TMLHE: variants seen among roughly 807,000 people sequenced by gnomAD.
TMLHE encodes the protein trimethyllysine hydroxylase, epsilon, also known as trimethyllysine dioxygenase, mitochondrial.
A neutral mutation model predicts 25.7 loss-of-function variants in TMLHE; 18 were observed. That is an observed-to-expected ratio of 0.70 (90% CI 0.48 to 1.04). The LOEUF (loss-of-function observed/expected upper bound fraction) is 1.04. TMLHE is among the 50% of genes least tolerant of loss of function. TMLHE has a pLI of 0.00. For missense variants in TMLHE, 236 were observed against 259.0 expected (o/e 0.91, Z 0.61); for synonymous variants, 105 against 97.0 (o/e 1.08, Z -0.49).
At chrX:155,538,551 C>T (rs1298980025) in intron 2 of TMLHE, among the ~76,000 whole-genome samples, 1 of 111,573 alleles carries the variant, frequency 9.0e-6, no homozygotes, top group Non-Finnish European at 1.9e-5. Context: ...CATCCTCAAA[C>T]TGCCAACACC....
intron 1 of TMLHE, among the ~76,000 whole-genome samples, chrX:155,594,178 G>A (rs2067708498): frequency 9.0e-6 from 1 of 111,346 alleles, no homozygotes; most frequent in Non-Finnish European, 1.9e-5. Context: ...AAAAAGTTCT[G>A]AAAGCATCAA....
intron 1 of TMLHE, among the ~76,000 whole-genome samples, chrX:155,547,389 C>CT (rs1487590087): frequency 9.0e-6 from 1 of 110,593 alleles, no homozygotes; most frequent in Non-Finnish European, 1.9e-5. Flanking sequence ...CGTGATCCGC[C>CT]GCCTCAGCCT....
chrX:155,531,563 A>T (rs1329042233), intron 2 of TMLHE, among the ~76,000 whole-genome samples: 1 of 111,730 alleles, frequency 9.0e-6, no homozygotes, highest in Non-Finnish European at 1.9e-5. Context: ...AACATTGCAG[A>T]TCACATTTCA....
chrX:155,538,438 C>A lies in TMLHE; in HGVS notation c.181+6658G>T, dbSNP rs368225419. Among the ~76,000 whole-genome samples, 36 of 111,486 alleles carry A rather than the reference C, an allele frequency of 3.2e-4. No individual in the cohort carries two copies. In the East Asian group the frequency reaches 8.7e-3, roughly 27 times the overall value. ...CTGGCTAGTATCATTTTAAACTCAT[C>A]ATGAAAAATCTCAAATTAGTACTCA... On this transcript the variant is annotated intron_variant, in intron 2 of 7. Coordinates refer to ENST00000334398, the MANE Select transcript of TMLHE (RefSeq NM_018196.4).
At chrX:155,582,838 T>C (rs879027609) in intron 1 of TMLHE, among the ~76,000 whole-genome samples, 1 of 112,254 alleles carries the variant, frequency 8.9e-6, no homozygotes, top group Non-Finnish European at 1.9e-5. Flanking sequence ...ACCCAAAGGA[T>C]TATAAATCAT....
intron 1 of TMLHE, among the ~76,000 whole-genome samples, chrX:155,547,691 A>G (rs782748444): frequency 9.2e-6 from 1 of 108,535 alleles, no homozygotes; most frequent in South Asian, 4.0e-4. Context: ...ATTGTTTTAT[A>G]TTAACTTAAA....
chrX:155,540,723 C>T (rs1557338083), intron 2 of TMLHE, among the ~76,000 whole-genome samples: 1 of 111,279 alleles, frequency 9.0e-6, no homozygotes. Flanking sequence ...AATGGATGCA[C>T]ATTATAAGGA....
At chrX:155,611,800 A>G (rs914277646) in intron 1 of TMLHE, among the ~76,000 whole-genome samples, 2 of 111,882 alleles carry the variant, frequency 1.8e-5, no homozygotes, top group African/African-American at 6.5e-5. Flanking sequence ...TGACACCAAA[A>G]TGTTGATCCA....
At chrX:155,545,866 T>C (rs1363685598) in intron 1 of TMLHE, among the ~76,000 whole-genome samples, 2 of 111,129 alleles carry the variant, frequency 1.8e-5, no homozygotes, top group Non-Finnish European at 3.8e-5. Flanking sequence ...TTGTTAACAC[T>C]CTAGGATGTT....
intron 1 of TMLHE, among the ~76,000 whole-genome samples, chrX:155,558,150 C>G (rs188708135): frequency 5.6e-4 from 63 of 112,087 alleles, no homozygotes; most frequent in African/African-American, 1.6e-3. Flanking sequence ...AGCCTAACTT[C>G]CTGCTACTTA....
At chrX:155,509,108 T>A (rs1557333078) in intron 5 of TMLHE, among the ~76,000 whole-genome samples, 2 of 111,158 alleles carry the variant, frequency 1.8e-5, no homozygotes, top group African/African-American at 6.5e-5. Context: ...ATGAAGATAG[T>A]GATTAAAATG....
At chrX:155,547,954 A>C (rs1245260408) in intron 1 of TMLHE, among the ~76,000 whole-genome samples, 2 of 111,179 alleles carry the variant, frequency 1.8e-5, no homozygotes, top group African/African-American at 6.5e-5. Flanking sequence ...TAGAAAACAA[A>C]GTCTCTCCTC....
chrX:155,550,746 T>TG (rs1557339925), intron 1 of TMLHE, among the ~76,000 whole-genome samples: 2 of 110,589 alleles, frequency 1.8e-5, no homozygotes, highest in Non-Finnish European at 3.8e-5. Context: ...TAGAGTGATG[T>TG]GGGGAACTTT....
At chrX:155,533,352 C>T (rs1213821652) in intron 2 of TMLHE, among the ~76,000 whole-genome samples, 2 of 98,392 alleles carry the variant, frequency 2.0e-5, no homozygotes, top group Admixed American at 2.3e-4. Flanking sequence ...TACACACACA[C>T]ATACACATGC....
At chrX:155,547,248 C>A (rs1316791741) in intron 1 of TMLHE, among the ~76,000 whole-genome samples, 1 of 91,489 alleles carries the variant, frequency 1.1e-5, no homozygotes, top group East Asian at 3.5e-4. Flanking sequence ...GGGTTCACGC[C>A]ATTCTCCTGC....
intron 1 of TMLHE, among the ~76,000 whole-genome samples, chrX:155,596,878 A>T (rs969297233): frequency 3.8e-4 from 42 of 109,510 alleles, no homozygotes; most frequent in Non-Finnish European, 6.3e-4. Flanking sequence ...CTTTTTTTTT[A>T]AATTCTATTA....
intron 1 of TMLHE, chrX:155,612,342 A>G (rs1201550887): frequency 2.7e-5 from 3 of 111,988 alleles, no homozygotes; most frequent in African/African-American, 9.8e-5. Flanking sequence ...TCTTGCAGAC[A>G]GCTGAGTTCC....
chrX:155,550,047 C>T, intron 1 of TMLHE, among the ~76,000 whole-genome samples: 1 of 110,610 alleles, frequency 9.0e-6, no homozygotes, highest in Non-Finnish European at 1.9e-5. Context: ...CTGCAAAGGA[C>T]ATGAACTCAT....
intron 1 of TMLHE, among the ~76,000 whole-genome samples, chrX:155,611,186 G>A (rs1191542686): frequency 6.3e-5 from 7 of 111,380 alleles, no homozygotes; most frequent in African/African-American, 2.3e-4. Context: ...GTATGGAGCA[G>A]GCTGGGTTTT....
Sources: allele counts gnomAD v4.1 joint callset (sites outside exome capture counted in the v4.1 genomes callset), GRCh38; gene constraint gnomAD v4.1.1; transcripts MANE v1.5; gene names NCBI Gene and HGNC (gene_info 2026-07-23, HGNC 2026-07-21).